C3: variants seen among roughly 807,000 people sequenced by gnomAD.
C3 encodes the protein C3 and PZP-like alpha-2-macroglobulin domain-containing protein 1.
Under a neutral mutation model 207.9 loss-of-function variants are expected in C3, and 97 were observed. The observed-to-expected ratio is 0.47, with a 90% CI of 0.40 to 0.55. C3 has a LOEUF of 0.55. Among genes scored for constraint, C3 ranks in the 20% least tolerant of loss-of-function variants. The probability of loss-of-function intolerance (pLI) is 0.00; values close to 1 mark genes in which losing one functional copy is unlikely to be tolerated. For synonymous variants in C3, 848 were observed against 857.6 expected, an observed-to-expected ratio of 0.99 and a Z score of 0.20; for missense variants, 1,684 against 2,171.7, an observed-to-expected ratio of 0.78 and a Z score of 4.46.
chr19:6,706,942 GGGCCTCCTCCCCCCTCAGACAGC>G (rs1320377059), intron 17 of C3, 111 bp downstream of exon 17: 2 of 643,024 alleles, frequency 3.1e-6, no homozygotes, highest in South Asian at 1.9e-5. Context: ...CCTCAGACAG[GGGCCTCCTCCCCCCTCAGACAGC>G]GGCCTCCTCC....
rs1409089307 is a variant in C3, at chr19:6,684,776, G to A, written c.4028C>T (p.Ser1343Leu). 5.6e-6 allele frequency: 9 copies of A among 1,614,108 alleles called. No homozygotes were observed. Among genetic ancestry groups the A allele is most frequent in the South Asian group, 4.4e-5 (4 of 91,076 alleles). ...TAEGKGQGTLSVVTMYHAKAK... is the reference protein window; with the variant it reads ...TAEGKGQGTLLVVTMYHAKAK... ...CAGGTGTGGGTTTCTGTTCCTTACC[G>A]ACAAGGTGCCTTGGCCTTTTCCTTC... Residue 1343 changes from serine to leucine, a missense_variant and splice_region_variant, in exon 31 of 41, where the codon TCG becomes TTG. By Grantham distance (145) the Ser-to-Leu change is moderately radical. Transcript: ENST00000245907.
intron 2 of C3, among the ~76,000 whole-genome samples, chr19:6,718,701 AG>A (rs1353347519): frequency 1.5e-5 from 2 of 133,110 alleles, no homozygotes; most frequent in Admixed American, 7.6e-5. Context: ...GGGCTCAGAA[AG>A]GGGGAGGGAC....
intron 40 of C3, 56 bp downstream of exon 40, chr19:6,678,096 C>T (rs759278730): frequency 5.0e-6 from 8 of 1,613,832 alleles, no homozygotes; most frequent in Non-Finnish European, 6.8e-6. Context: ...ATGGTGTGGG[C>T]GTGGCATGGG....
chr19:6,681,762 T>G (rs1017833054), intron 35 of C3, among the ~76,000 whole-genome samples, 179 bp downstream of exon 35: 1 of 152,126 alleles, frequency 6.6e-6, no homozygotes, highest in Admixed American at 6.5e-5. Context: ...TAGAAGATGC[T>G]GGGTTGACCC....
At position 6,707,868 on chromosome 19, in the gene C3, G is replaced by A. The variant is rs1317008168; in HGVS notation, c.1907C>T (p.Ala636Val). The change falls in exon 15 of 41, where the codon GCC (alanine) becomes GTC (valine). Residue 636 changes from alanine (A) to valine (V), a missense_variant. Physicochemically the swap from Ala to Val is moderately conservative, Grantham distance 64. Around this residue, in one of 3 missense-constraint regions of C3, gnomAD observed 1,280 missense variants for 1,739.1 expected, o/e 0.74. Coordinates refer to ENST00000245907, the MANE Select transcript of C3 (RefSeq NM_000064.4). Reference protein sequence around the residue: ...GCTPGSGKDYAGVFSDAGLTF... With the variant: ...GCTPGSGKDYVGVFSDAGLTF... ...CAGCCCTGCGTCGGAGAAGACACCG[G>A]CGTAATCCTTCCCACTGCCCGGGGT... 2 of 1,613,976 alleles carry A rather than the reference G, an allele frequency of 1.2e-6. No homozygotes were observed. The highest frequency in any genetic ancestry group is 1.7e-6 in the Non-Finnish European group (2 of 1,180,000).
chr19:6,705,546 C>A (rs1342066693), intron 17 of C3, among the ~76,000 whole-genome samples: 2 of 151,544 alleles, frequency 1.3e-5, no homozygotes, highest in African/African-American at 4.9e-5. Context: ...GGGGTTCTGC[C>A]ATGTTGCCCA....
Position 6,707,185 on chromosome 19 carries a change from A to C in C3, c.2136T>G (p.Arg712=). ...PMRFSCQRRT[R]FISLGEACKK... is the part of the protein sequence containing the mutation. ...TGCACGCCTCGCCCAGGGAGATGAAACGGGTCCGGCGCTGGCACGAGAACC... is the reference window on the plus strand; with the variant it reads ...TGCACGCCTCGCCCAGGGAGATGAACCGGGTCCGGCGCTGGCACGAGAACC... The change falls in exon 17 of 41, where the codon CGT becomes CGG. Residue 712 remains arginine, a synonymous_variant. Transcript: ENST00000245907. The C allele has an allele frequency of 6.2e-7, 1 of 1,613,696 alleles. No individual in the cohort carries two copies.
chr19:6,686,567 G>A (rs11665922), intron 28 of C3, 179 bp downstream of exon 28: 25,306 of 790,858 alleles, frequency 0.032, 570 homozygotes, highest in Non-Finnish European at 0.045. Context: ...ACTTAGAGCC[G>A]TGCATCCCAG....
Position 6,685,029 on chromosome 19 carries a change from G to A in C3, c.3928C>T (p.Arg1310Cys), listed in dbSNP as rs749214770. Residue 1310 changes from arginine to cysteine, a missense_variant, in exon 30 of 41, where the codon CGT becomes TGT. By Grantham distance (180) the Arg-to-Cys change is radical. Transcript: ENST00000245907. ...AGGCTGGCAGATTCCCAGTGGATAC[G>A]GTGGGTGATCTTGGAGCTGCGGCTG... The part of the protein sequence containing the change: ...LPSRSSKITH[R>C]IHWESASLLR... 2 of 1,613,952 alleles carry A rather than the reference G, an allele frequency of 1.2e-6. No homozygotes were observed. The highest frequency in any genetic ancestry group is 1.7e-6 in the Non-Finnish European group (2 of 1,179,998).
At chr19:6,688,257 C>T (rs344536) in intron 27 of C3, among the ~76,000 whole-genome samples, 68,552 of 151,206 alleles carry the variant, frequency 0.45, 16,689 homozygotes, top group East Asian at 0.91. Context: ...TAGCCTCCTG[C>T]GTAGCTGGGA....
chr19:6,713,264 C>A lies in C3; in HGVS notation c.928G>T (p.Gly310Trp). Residue 310 changes from glycine to tryptophan, a missense_variant, in exon 9 of 41, where the codon GGG becomes TGG. Around this residue, in one of 3 missense-constraint regions of C3, gnomAD observed 1,280 missense variants for 1,739.1 expected, o/e 0.74. Transcript: ENST00000245907. ...TCTTCTGCTCGGGGGTTCTGCACCC[C>A]GTCCAGCAGTACCTTCCGGCTCAGC... ...VVLSRKVLLDGVQNPRAEDLV... is the reference protein window; with the variant it reads ...VVLSRKVLLDWVQNPRAEDLV... 1 of 1,613,684 alleles carries A rather than the reference C, an allele frequency of 6.2e-7. No homozygotes were observed.
intron 3 of C3, 24 bp from the exon 4 acceptor site, chr19:6,718,188 G>A (rs1968083287): frequency 4.3e-6 from 7 of 1,613,946 alleles, no homozygotes; most frequent in African/African-American, 2.7e-5. Flanking sequence ...AAGAGGCCTC[G>A]TGAGACCCTA....
intron 34 of C3, 31 bp from the exon 35 acceptor site, chr19:6,682,061 CT>C: frequency 1.2e-6 from 2 of 1,606,626 alleles, no homozygotes; most frequent in East Asian, 4.5e-5. Flanking sequence ...TGAAAAATCC[CT>C]CCTGGACCCC....
chr19:6,694,510 C>T lies in C3; in HGVS notation c.3075G>A (p.Val1025=). The T allele has an allele frequency of 1.9e-6, 3 of 1,614,150 alleles. No individual in the cohort carries two copies. The stretch of plus-strand genomic sequence containing the variant: ...ACTGCTCCGTTTCATCCAGGTAATG[C>T]ACAGCGATGACCGTGGGCGTCATGC... ...MIGMTPTVIA[V]HYLDETEQWE... Residue 1025 remains valine, a synonymous_variant, in exon 24 of 41, where the codon GTG becomes GTA. Transcript: ENST00000245907.
chr19:6,710,871 T>TGGGGAGGGTGAGTGGCAGGGAACGC (rs1294257283), intron 12 of C3, 26 bp from the exon 13 acceptor site: 1 of 1,610,152 alleles, frequency 6.2e-7, no homozygotes, highest in African/African-American at 1.3e-5. Flanking sequence ...GGCATCAGGC[T>TGGGGAGGGTGAGTGGCAGGGAACGC]GGGGAGGGTG....
rs539833115 is a variant in C3 at position 6,711,298 on chromosome 19, T to C, written c.1270-102A>G. ...GGTGGCCTTTCTTAACAAAAGGGGC[T>C]TTGCAGATGGGATTAAGTTAGGGAT... On this transcript the variant is annotated intron_variant, in intron 11 of 40. Coordinates refer to ENST00000245907, the MANE Select transcript of C3 (RefSeq NM_000064.4). 3 of 873,624 alleles carry C rather than the reference T, an allele frequency of 3.4e-6. No homozygotes were observed. In the East Asian group the frequency reaches 7.6e-5, roughly 22 times the overall value. The allele number at this position is 873,624 out of a possible 1,614,324, so 54.1% of individuals were successfully genotyped here. A position where few individuals can be genotyped will look rare whatever the true frequency, so the allele number is the denominator to read the frequency against.
chr19:6,716,122 C>A (rs542416670), intron 4 of C3, among the ~76,000 whole-genome samples: 1 of 152,200 alleles, frequency 6.6e-6, no homozygotes, highest in African/African-American at 2.4e-5. Context: ...ATGTAGTCTC[C>A]CTAGCTTTCC....
rs1967686506 is a variant in C3 at position 6,702,077 on chromosome 19, G to C, written c.2440+50C>G. 3 of 961,566 alleles carry C rather than the reference G, an allele frequency of 3.1e-6. No homozygotes were observed. The Middle Eastern group carries it at 7.1e-4, about 226-fold the overall frequency. The allele number at this position is 961,566 out of a possible 1,614,324, so 59.6% of individuals were successfully genotyped here. ...TTTGGATAAAATGAGATGACACTCA[G>C]ACACCCTGGGGTCCCTGCCTCCCGG... On this transcript the variant is annotated intron_variant, in intron 19 of 40. Coordinates refer to ENST00000245907, the MANE Select transcript of C3 (RefSeq NM_000064.4).
At chr19:6,684,287 G>A (rs1203263893) in intron 33 of C3, 101 bp downstream of exon 33, 1 of 913,564 alleles carries the variant, frequency 1.1e-6, no homozygotes, top group Non-Finnish European at 1.8e-6. Context: ...CAGATACACA[G>A]TGTACTTGGA....
Sources: gnomAD v4.1 joint callset for allele counts (sites outside exome capture counted in the v4.1 genomes callset) on GRCh38, gnomAD v4.1.1 for gene constraint, gnomAD v4.1.1 regional missense constraint, MANE v1.5 for transcripts, NCBI Gene and HGNC (gene_info 2026-07-23, HGNC 2026-07-21) for gene names.